The following SPON1 variants were observed in gnomAD, a reference collection of about 807,000 sequenced individuals.
SPON1 encodes spondin-1.
In SPON1, 52 loss-of-function variants were observed where a neutral mutation model predicts 111.7. The observed-to-expected ratio is 0.47, with a 90% CI of 0.37 to 0.59. The LOEUF (loss-of-function observed/expected upper bound fraction) is 0.59. Ranked by LOEUF, SPON1 falls within the 20% of genes least tolerant of loss-of-function variation. SPON1 has a pLI of 0.00. For missense variants in SPON1, 957 were observed against 1,068.5 expected (o/e 0.90, Z 1.46); for synonymous variants, 410 against 395.8 (o/e 1.04, Z -0.43).
At chr11:14,078,844 C>T (rs1280067032) in intron 4 of SPON1, among the ~76,000 whole-genome samples, 1 of 152,132 alleles carries the variant, frequency 6.6e-6, no homozygotes, top group Non-Finnish European at 1.5e-5. Context: ...CACCCTAGAA[C>T]CTAGAATTCA....
At chr11:14,144,047 G>A (rs1387681800) in intron 6 of SPON1, among the ~76,000 whole-genome samples, 1 of 152,148 alleles carries the variant, frequency 6.6e-6, no homozygotes, top group Non-Finnish European at 1.5e-5. Context: ...TAAGCTCACT[G>A]AGCCTTAGAT....
intron 5 of SPON1, among the ~76,000 whole-genome samples, chr11:14,110,806 C>G (rs1327068026): frequency 6.6e-6 from 1 of 152,354 alleles, no homozygotes; most frequent in African/African-American, 2.4e-5. Flanking sequence ...AACACCCTCA[C>G]AGACACATCC....
At chr11:14,220,492 T>A (rs2133906472) in intron 6 of SPON1, among the ~76,000 whole-genome samples, 1 of 152,316 alleles carries the variant, frequency 6.6e-6, no homozygotes, top group African/African-American at 2.4e-5. Flanking sequence ...TTTGAAGTGG[T>A]TTTTCCTCCC....
At chr11:14,076,322 G>A (rs1235712939) in intron 4 of SPON1, among the ~76,000 whole-genome samples, 1 of 151,988 alleles carries the variant, frequency 6.6e-6, no homozygotes, top group African/African-American at 2.4e-5. Flanking sequence ...ATTAGTGTTT[G>A]GAGAAGAAAT....
At chr11:14,203,323 C>A (rs1848483827) in intron 6 of SPON1, among the ~76,000 whole-genome samples, 1 of 152,158 alleles carries the variant, frequency 6.6e-6, no homozygotes, top group Non-Finnish European at 1.5e-5. Flanking sequence ...TCCATTAACC[C>A]CACACACACA....
intron 5 of SPON1, among the ~76,000 whole-genome samples, chr11:14,112,342 G>C (rs1197413256): frequency 6.6e-6 from 1 of 152,180 alleles, no homozygotes; most frequent in Non-Finnish European, 1.5e-5. Context: ...TAGCAACCCA[G>C]CATTGTACCA....
intron 6 of SPON1, among the ~76,000 whole-genome samples, chr11:14,167,568 C>A (rs2133879423): frequency 6.6e-6 from 1 of 151,998 alleles, no homozygotes; most frequent in African/African-American, 2.4e-5. Flanking sequence ...AAAAGGAAAC[C>A]AAATTTCATG....
chr11:14,035,316 G>A (rs1848586565), intron 2 of SPON1, among the ~76,000 whole-genome samples: 1 of 152,186 alleles, frequency 6.6e-6, no homozygotes, highest in African/African-American at 2.4e-5. Flanking sequence ...TGGGACTTTG[G>A]ACAGGTTGTT....
chr11:14,143,693 AG>A (rs1199379960), intron 6 of SPON1, among the ~76,000 whole-genome samples: 7 of 57,042 alleles, frequency 1.2e-4, no homozygotes, highest in African/African-American at 2.1e-4. Context: ...GCAGGATTTC[AG>A]TCCTGTAGAA....
At chr11:14,233,765 T>TC (rs1848831160) in intron 6 of SPON1, among the ~76,000 whole-genome samples, 1 of 143,074 alleles carries the variant, frequency 7.0e-6, no homozygotes, top group Non-Finnish European at 1.5e-5. Flanking sequence ...TTTCTTTTTT[T>TC]TTTTTTTTTT....
chr11:14,011,600 T>C (rs139802017), intron 2 of SPON1, among the ~76,000 whole-genome samples: 245 of 152,248 alleles, frequency 1.6e-3, no homozygotes, highest in African/African-American at 5.6e-3. Flanking sequence ...TTTCCTATTG[T>C]TCTCAAGTCA....
chr11:14,116,510 T>C (rs76250770), intron 5 of SPON1, among the ~76,000 whole-genome samples: 3,252 of 152,284 alleles, frequency 0.021, 111 homozygotes, highest in African/African-American at 0.074. Flanking sequence ...ACAGCATTAC[T>C]TTTGTCATAC....
chr11:13,994,772 AATC>A (rs1848258788), intron 2 of SPON1, among the ~76,000 whole-genome samples: 1 of 152,210 alleles, frequency 6.6e-6, no homozygotes, highest in African/African-American at 2.4e-5. Context: ...GTTAAGAATG[AATC>A]ATCCATGAGA....
At chr11:14,002,909 T>C (rs1340057101) in intron 2 of SPON1, among the ~76,000 whole-genome samples, 1 of 152,036 alleles carries the variant, frequency 6.6e-6, no homozygotes, top group Non-Finnish European at 1.5e-5. Context: ...CCACATCTCC[T>C]CCAACCACTA....
At chr11:14,179,450 C>A (rs1368103445) in intron 6 of SPON1, among the ~76,000 whole-genome samples, 2 of 152,152 alleles carry the variant, frequency 1.3e-5, no homozygotes, top group African/African-American at 2.4e-5. Flanking sequence ...CTTCTCTTCC[C>A]CATCCATTTG....
chr11:14,049,279 TC>T (rs1252728050), intron 3 of SPON1, among the ~76,000 whole-genome samples: 1 of 152,130 alleles, frequency 6.6e-6, no homozygotes, highest in Non-Finnish European at 1.5e-5. Context: ...TCTTTTTTTA[TC>T]ACTGCTCTAC....
chr11:14,217,744 T>A (rs1353341798), intron 6 of SPON1, among the ~76,000 whole-genome samples: 1 of 152,210 alleles, frequency 6.6e-6, no homozygotes, highest in East Asian at 1.9e-4. Flanking sequence ...GTCTCCATTT[T>A]TTCATGTATA....
Position 14,089,206 on chromosome 11 carries a change from G to A in SPON1, c.676+9185G>A, listed in dbSNP as rs149137686. 2.2e-3 allele frequency among the ~76,000 whole-genome samples: 339 copies of A among 152,142 alleles called. 2 individuals carry two copies. The highest frequency in any genetic ancestry group is 3.7e-3 in the Non-Finnish European group (255 of 68,006). Reference sequence around the variant, plus strand: ...AGTTGTGATCCTTTGTAGGAGAAGAGGCATTCTGGTTTTTGGAATTTTCAG... The same window carrying A: ...AGTTGTGATCCTTTGTAGGAGAAGAAGCATTCTGGTTTTTGGAATTTTCAG... On this transcript the variant is annotated intron_variant, in intron 5 of 15. Coordinates refer to ENST00000576479, the MANE Select transcript of SPON1 (RefSeq NM_006108.4).
chr11:13,974,207 G>A (rs575658382), intron 1 of SPON1, among the ~76,000 whole-genome samples: 1 of 152,294 alleles, frequency 6.6e-6, no homozygotes, highest in African/African-American at 2.4e-5. Flanking sequence ...CTAACTTAAT[G>A]TCCCAACAGT....
Sources: allele counts gnomAD v4.1 joint callset (sites outside exome capture counted in the v4.1 genomes callset), GRCh38; gene constraint gnomAD v4.1.1; transcripts MANE v1.5; gene names NCBI Gene and HGNC (gene_info 2026-07-23, HGNC 2026-07-21).